The following PKN2 variants were observed in gnomAD, a reference collection of about 807,000 sequenced individuals.
The protein encoded by PKN2 is protein kinase N2, also known as serine/threonine-protein kinase N2.
PKN2 carries 38 observed loss-of-function variants against 119.1 expected under a neutral mutation model. The ratio of observed to expected loss-of-function variants is 0.32; its 90% CI spans 0.25 to 0.42. PKN2 has a LOEUF of 0.42. Among genes scored for constraint, PKN2 ranks in the 10% least tolerant of loss-of-function variants. The probability of loss-of-function intolerance (pLI) is 1.00; values close to 1 mark genes in which losing one functional copy is unlikely to be tolerated. For missense variants in PKN2, 850 were observed against 1,165.1 expected (o/e 0.73, Z 3.94); for synonymous variants, 390 against 384.9 (o/e 1.01, Z -0.15).
intron 8 of PKN2, among the ~76,000 whole-genome samples, chr1:88,794,259 T>G (rs1158902821): frequency 6.6e-6 from 1 of 151,022 alleles, no homozygotes; most frequent in Non-Finnish European, 1.5e-5. Flanking sequence ...CCCAGCTACT[T>G]GGGAGGCTTA....
intron 3 of PKN2, among the ~76,000 whole-genome samples, chr1:88,766,326 C>T (rs7531389): frequency 0.11 from 16,976 of 152,052 alleles, 1,964 homozygotes; most frequent in African/African-American, 0.3. Context: ...ATAAGAATGA[C>T]TGGCCTATTT....
rs1252225368 is a variant in PKN2 at position 88,833,878 on chromosome 1, A to G, written c.*430A>G. The G allele has an allele frequency of 6.5e-6, 1 of 153,768 alleles. No homozygotes were observed. Among genetic ancestry groups the G allele is most frequent in the Non-Finnish European group, 1.4e-5 (1 of 69,276 alleles). The allele number at this position is 153,768 out of a possible 1,614,324, so 9.5% of individuals were successfully genotyped here. On this transcript the variant is annotated 3_prime_UTR_variant, in exon 22 of 22. Coordinates refer to ENST00000370521, the MANE Select transcript of PKN2 (RefSeq NM_006256.4). ...TGGAATGCTATTACTGTTCACACAA[A>G]GTATGATTCTGTTTGAATAAGGCAA... is the stretch of plus-strand genomic sequence containing the variant.
chr1:88,733,683 A>G (rs1294402955), intron 1 of PKN2, among the ~76,000 whole-genome samples: 1 of 152,132 alleles, frequency 6.6e-6, no homozygotes, highest in Non-Finnish European at 1.5e-5. Flanking sequence ...TTTTAGTTTG[A>G]TACAATTCCA....
intron 2 of PKN2, among the ~76,000 whole-genome samples, chr1:88,743,145 G>T (rs907466975): frequency 1.3e-5 from 2 of 152,180 alleles, no homozygotes; most frequent in Non-Finnish European, 2.9e-5. Flanking sequence ...AGCCAAGATC[G>T]TGCCACTGCC....
intron 1 of PKN2, among the ~76,000 whole-genome samples, chr1:88,696,808 G>A (rs1666559847): frequency 6.6e-6 from 1 of 151,990 alleles, no homozygotes. Flanking sequence ...ATCGATTATA[G>A]AATAAAATAT....
intron 1 of PKN2, among the ~76,000 whole-genome samples, chr1:88,735,395 C>T (rs76424161): frequency 0.02 from 3,095 of 152,114 alleles, 67 homozygotes; most frequent in South Asian, 0.07. Flanking sequence ...CTCCTGAGCT[C>T]AAGCAGTCCT....
chr1:88,724,623 G>A (rs1022841230), intron 1 of PKN2, among the ~76,000 whole-genome samples: 3 of 150,358 alleles, frequency 2.0e-5, no homozygotes, highest in African/African-American at 4.9e-5. Flanking sequence ...CCAGGCTGAA[G>A]TGCAGTGGCA....
chr1:88,807,208 A>G, intron 12 of PKN2, 105 bp from the exon 13 acceptor site: 1 of 919,230 alleles, frequency 1.1e-6, no homozygotes, highest in Non-Finnish European at 1.6e-6. Context: ...TTTTCACTCC[A>G]ACATTTATAT....
chr1:88,759,188 C>T (rs1394957444), intron 2 of PKN2, among the ~76,000 whole-genome samples: 2 of 152,188 alleles, frequency 1.3e-5, no homozygotes, highest in East Asian at 3.9e-4. Flanking sequence ...CATGGTGAAA[C>T]TCCGCCTGTA....
intron 8 of PKN2, among the ~76,000 whole-genome samples, chr1:88,800,176 C>T (rs1041134166): frequency 1.3e-4 from 20 of 152,168 alleles, no homozygotes; most frequent in African/African-American, 4.8e-4. Context: ...AATTCAGTGT[C>T]CTCAGTGTCC....
At chr1:88,784,852 T>C in intron 7 of PKN2, 28 bp downstream of exon 7, 3 of 1,449,116 alleles carry the variant, frequency 2.1e-6, no homozygotes, top group Non-Finnish European at 2.8e-6. Flanking sequence ...TTAAAAATCA[T>C]GTAACAAACT....
chr1:88,757,543 T>C (rs1310513072), intron 2 of PKN2, among the ~76,000 whole-genome samples: 1 of 152,174 alleles, frequency 6.6e-6, no homozygotes, highest in African/African-American at 2.4e-5. Context: ...CACACCATCT[T>C]ATATTGTAGA....
Position 88,771,656 on chromosome 1 carries a change from G to T in PKN2, c.769-7G>T, listed in dbSNP as rs778920619. The T allele has an allele frequency of 2.2e-5, 35 of 1,611,588 alleles. No individual in the cohort carries two copies. Among genetic ancestry groups the T allele is most frequent in the Non-Finnish European group, 2.9e-5 (34 of 1,177,968 alleles). On this transcript the variant is annotated splice_polypyrimidine_tract_variant and splice_region_variant and intron_variant, in intron 5 of 21. Transcript: ENST00000370521. The stretch of plus-strand genomic sequence containing the variant: ...AAATGACAACAATTGTCTTTTCCCT[G>T]TGCAAGGCTCAAGCAAGATTTAATG...
In PKN2 at chr1:88,835,035, AAGC is replaced by A. The variant is rs1570704153; in HGVS notation, c.*1589_*1591del. Reference sequence around the variant, plus strand: ...TGTAAATCTTATGAGAAACATGAAAAAGCACACTGATTTATGGAGAGTTGAGCT... The same window carrying A: ...TGTAAATCTTATGAGAAACATGAAAAACACTGATTTATGGAGAGTTGAGCT... On this transcript the variant is annotated 3_prime_UTR_variant, in exon 22 of 22. Transcript: ENST00000370521. The A allele has an allele frequency of 6.6e-6, 1 of 152,468 alleles. No homozygotes were observed. Among genetic ancestry groups the A allele is most frequent in the African/African-American group, 2.4e-5 (1 of 41,446 alleles). The allele number at this position is 152,468 out of a possible 1,614,324, so 9.4% of individuals were successfully genotyped here.
intron 1 of PKN2, among the ~76,000 whole-genome samples, chr1:88,709,140 G>A (rs552158894): frequency 4.0e-5 from 6 of 151,694 alleles, no homozygotes; most frequent in Admixed American, 2.0e-4. Context: ...TGCAACCTCC[G>A]CTTCCCGGGT....
chr1:88,781,611 C>T (rs967628709), intron 6 of PKN2, among the ~76,000 whole-genome samples: 5 of 152,040 alleles, frequency 3.3e-5, no homozygotes, highest in African/African-American at 4.8e-5. Flanking sequence ...GCAATTGTGT[C>T]ACCTCATAAA....
chr1:88,757,815 G>C (rs1365513681), intron 2 of PKN2, among the ~76,000 whole-genome samples: 1 of 152,024 alleles, frequency 6.6e-6, no homozygotes, highest in Non-Finnish European at 1.5e-5. Context: ...GGCTGAGGTA[G>C]GTGGATCATG....
chr1:88,824,222 G>C (rs775896646), intron 17 of PKN2, 88 bp from the exon 18 acceptor site: 1 of 664,514 alleles, frequency 1.5e-6, no homozygotes, highest in Non-Finnish European at 2.7e-6. Flanking sequence ...AGAAAACACA[G>C]TTCCAATTGC....
At chr1:88,743,049 A>T (rs923191269) in intron 2 of PKN2, among the ~76,000 whole-genome samples, 2 of 152,102 alleles carry the variant, frequency 1.3e-5, no homozygotes, top group Admixed American at 1.3e-4. Flanking sequence ...AAATTAGTCG[A>T]CGTGGTGGCG....
Sources: gnomAD v4.1 joint callset for allele counts (sites outside exome capture counted in the v4.1 genomes callset) on GRCh38, gnomAD v4.1.1 for gene constraint, MANE v1.5 for transcripts, NCBI Gene and HGNC (gene_info 2026-07-23, HGNC 2026-07-21) for gene names.